EYA4: variants seen among roughly 807,000 people sequenced by gnomAD.
The protein encoded by EYA4 is EYA transcriptional coactivator and phosphatase 4, also known as protein phosphatase EYA4.
A neutral mutation model predicts 87.9 loss-of-function variants in EYA4; 31 were observed. The ratio of observed to expected loss-of-function variants is 0.35; its 90% CI spans 0.27 to 0.48. EYA4 has a LOEUF of 0.48. EYA4 is among the 20% of genes least tolerant of loss of function. The pLI is 0.99. For synonymous variants in EYA4, 263 were observed against 270.6 expected, an observed-to-expected ratio of 0.97 and a Z score of 0.28; for missense variants, 678 against 761.4, an observed-to-expected ratio of 0.89 and a Z score of 1.29.
At chr6:133,272,213 A>T (rs963872849) in intron 1 of EYA4, among the ~76,000 whole-genome samples, 12 of 152,186 alleles carry the variant, frequency 7.9e-5, no homozygotes, top group Non-Finnish European at 1.6e-4. Flanking sequence ...CCTCCATATC[A>T]TGCAGAACCA....
chr6:133,485,241 G>GT (rs1326476397), intron 13 of EYA4, among the ~76,000 whole-genome samples: 3 of 151,724 alleles, frequency 2.0e-5, no homozygotes, highest in East Asian at 1.9e-4. Context: ...TCCCTAAAAG[G>GT]TTTTTTTTCA....
At chr6:133,430,138 C>T (rs997008526) in intron 3 of EYA4, among the ~76,000 whole-genome samples, 1 of 152,146 alleles carries the variant, frequency 6.6e-6, no homozygotes, top group Non-Finnish European at 1.5e-5. Flanking sequence ...TCTGTTCCTG[C>T]AGTAAATTCA....
Position 133,301,929 on chromosome 6 carries a change from T to C in EYA4, c.33+27116T>C, listed in dbSNP as rs1296248921. Among the ~76,000 whole-genome samples the C allele has an allele frequency of 2.0e-5, 3 of 152,206 alleles. No individual in the cohort carries two copies. In the East Asian group the frequency reaches 5.8e-4, roughly 29 times the overall value. ...CTACTTGATTAGACGGTCATGGAGC[T>C]GTGGGCACATCTGCCTGGGACGAAG... On this transcript the variant is annotated intron_variant, in intron 2 of 19. Transcript: ENST00000355286.
chr6:133,348,273 T>G (rs1011919524), intron 2 of EYA4, among the ~76,000 whole-genome samples: 3 of 126,620 alleles, frequency 2.4e-5, no homozygotes, highest in Non-Finnish European at 5.0e-5. Context: ...TTTTTTTTTT[T>G]TTTTTTTTTT....
chr6:133,306,560 T>C (rs1327149990), intron 2 of EYA4, among the ~76,000 whole-genome samples: 7 of 152,250 alleles, frequency 4.6e-5, no homozygotes, highest in African/African-American at 1.7e-4. Context: ...CTGAATGTTT[T>C]AATGTGACGA....
At chr6:133,249,286 T>C (rs929410413) in intron 1 of EYA4, among the ~76,000 whole-genome samples, 1 of 152,222 alleles carries the variant, frequency 6.6e-6, no homozygotes, top group Non-Finnish European at 1.5e-5. Context: ...ACAATTGTCC[T>C]ATACACACTT....
At chr6:133,244,977 C>T (rs995749220) in intron 1 of EYA4, 8 of 152,082 alleles carry the variant, frequency 5.3e-5, no homozygotes, top group Non-Finnish European at 8.8e-5. Flanking sequence ...CAAAAACTCA[C>T]AGTTTTTATA....
chr6:133,397,190 C>G (rs1418083166), intron 3 of EYA4, among the ~76,000 whole-genome samples: 1 of 152,204 alleles, frequency 6.6e-6, no homozygotes, highest in Admixed American at 6.5e-5. Context: ...GTATAGGCAG[C>G]AAAGCACAAC....
chr6:133,294,023 T>TATATA lies in EYA4; in HGVS notation c.33+19210_33+19211insATATA, dbSNP rs1778716379. On this transcript the variant is annotated intron_variant, in intron 2 of 19. Coordinates refer to ENST00000355286, the MANE Select transcript of EYA4 (RefSeq NM_004100.5). ...AATTCCTGTGCTCCCTAGGGTGATT[T>TATATA]TATATATATATATATATATATATAT... Among the ~76,000 whole-genome samples, 17 of 78,778 alleles carry TATATA rather than the reference T, an allele frequency of 2.2e-4. 1 individual carries two copies. The highest frequency in any genetic ancestry group is 4.0e-4 in the Non-Finnish European group (16 of 40,492). 51.7% of individuals were successfully genotyped at this position (78,778 alleles called of 152,430 possible).
At chr6:133,415,883 T>C (rs1286765292) in intron 3 of EYA4, among the ~76,000 whole-genome samples, 6 of 152,152 alleles carry the variant, frequency 3.9e-5, no homozygotes, top group Admixed American at 3.9e-4. Flanking sequence ...GGAAGGGCAA[T>C]AGTAGAGATA....
intron 3 of EYA4, among the ~76,000 whole-genome samples, chr6:133,428,968 C>T (rs73561759): frequency 0.073 from 8,072 of 111,262 alleles, 743 homozygotes; most frequent in African/African-American, 0.22. Context: ...ACTCTGTTGC[C>T]CAGGCTGGAG....
chr6:133,322,394 T>C (rs2128359026), intron 2 of EYA4, among the ~76,000 whole-genome samples: 1 of 152,344 alleles, frequency 6.6e-6, no homozygotes, highest in South Asian at 2.1e-4. Context: ...TTGATGTCTG[T>C]ATGCTACCTA....
chr6:133,527,713 T>TATATAGCAA (rs1451518816), intron 19 of EYA4, among the ~76,000 whole-genome samples: 2 of 152,176 alleles, frequency 1.3e-5, no homozygotes, highest in African/African-American at 4.8e-5. Context: ...AGCAAGGAAT[T>TATATAGCAA]ATATAGCAAT....
intron 13 of EYA4, among the ~76,000 whole-genome samples, chr6:133,483,859 G>A (rs1796465051): frequency 6.6e-6 from 1 of 151,810 alleles, no homozygotes; most frequent in Non-Finnish European, 1.5e-5. Flanking sequence ...GAGTAGCTGG[G>A]ATCACAGGTG....
At chr6:133,489,519 G>A (rs1253334658) in intron 13 of EYA4, among the ~76,000 whole-genome samples, 2 of 151,432 alleles carry the variant, frequency 1.3e-5, no homozygotes, top group Admixed American at 1.3e-4. Context: ...GAAAAGAAAT[G>A]AGGAACATAC....
intron 2 of EYA4, among the ~76,000 whole-genome samples, chr6:133,327,672 A>G (rs1320097939): frequency 6.6e-6 from 1 of 152,182 alleles, no homozygotes; most frequent in African/African-American, 2.4e-5. Flanking sequence ...TGCTTGATCC[A>G]ATTCAGTAAA....
chr6:133,497,068 C>T (rs1285621786), intron 13 of EYA4, among the ~76,000 whole-genome samples: 1 of 152,150 alleles, frequency 6.6e-6, no homozygotes, highest in East Asian at 1.9e-4. Flanking sequence ...TACTGTGCGC[C>T]TGGCCCTTGG....
At chr6:133,400,746 A>C (rs890955900) in intron 3 of EYA4, among the ~76,000 whole-genome samples, 6 of 152,116 alleles carry the variant, frequency 3.9e-5, no homozygotes, top group African/African-American at 1.2e-4. Flanking sequence ...GAGATATCTT[A>C]AATTGTTATT....
chr6:133,299,581 G>T (rs1779204948), intron 2 of EYA4, among the ~76,000 whole-genome samples: 1 of 151,568 alleles, frequency 6.6e-6, no homozygotes, highest in South Asian at 2.1e-4. Context: ...GTGTAGTGGC[G>T]GGCGCCTGTG....
Sources: allele counts gnomAD v4.1 joint callset (sites outside exome capture counted in the v4.1 genomes callset), GRCh38; gene constraint gnomAD v4.1.1; transcripts MANE v1.5; gene names NCBI Gene and HGNC (gene_info 2026-07-23, HGNC 2026-07-21).